The following KLHDC10 variants were observed in gnomAD, a reference collection of about 807,000 sequenced individuals.
KLHDC10 encodes kelch domain containing 10.
Under a neutral mutation model 56.1 loss-of-function variants are expected in KLHDC10, and 24 were observed. The ratio of observed to expected loss-of-function variants is 0.43; its 90% CI spans 0.31 to 0.60. The LOEUF (loss-of-function observed/expected upper bound fraction) is 0.60. Among genes scored for constraint, KLHDC10 ranks in the 20% least tolerant of loss-of-function variants. The probability of loss-of-function intolerance (pLI) is 0.11; values close to 1 mark genes in which losing one functional copy is unlikely to be tolerated. For synonymous variants in KLHDC10, 188 were observed against 207.1 expected (o/e 0.91, Z 0.79); for missense variants, 349 against 567.0 (o/e 0.62, Z 3.91).
At position 130,124,537 on chromosome 7, in the gene KLHDC10, T is replaced by A; in HGVS notation, c.864+2T>A. On this transcript the variant is annotated splice_donor_variant, in intron 6 of 9. Transcript: ENST00000335420. LOFTEE classifies it high-confidence loss of function. ...TGGACAGCATATTCCTTAAACAAGG[T>A]ATATTTTTTTAAAAAGAAAAAAAGG... 6.6e-7 allele frequency: 1 copy of A among 1,503,964 alleles called. No homozygotes were observed. The highest frequency in any genetic ancestry group is 9.2e-7 in the Non-Finnish European group (1 of 1,083,610). The allele number at this position is 1,503,964 out of a possible 1,614,324, so 93.2% of individuals were successfully genotyped here.
intron 1 of KLHDC10, among the ~76,000 whole-genome samples, chr7:130,081,814 A>G (rs1210522255): frequency 2.0e-5 from 3 of 152,136 alleles, no homozygotes; most frequent in African/African-American, 2.4e-5. Context: ...GCTACTTTCA[A>G]TGAAGATTTC....
rs970414100 is a variant in KLHDC10 at position 130,120,212 on chromosome 7, T to G, written c.476-537T>G. On this transcript the variant is annotated intron_variant, in intron 3 of 9. Coordinates refer to ENST00000335420, the MANE Select transcript of KLHDC10 (RefSeq NM_014997.4). The surrounding 1 kb of genome is among the most constrained non-coding windows in gnomAD (Gnocchi z 5.1). The stretch of plus-strand genomic sequence containing the variant: ...TGCTTTGCTGCATGCTTGAACTGTC[T>G]TCAGCAGCAGTGGTATACTGGGTAG... Among the ~76,000 whole-genome samples the G allele has an allele frequency of 2.0e-5, 3 of 152,234 alleles. No individual in the cohort carries two copies. Among genetic ancestry groups the G allele is most frequent in the Admixed American group, 6.5e-5 (1 of 15,288 alleles).
intron 5 of KLHDC10, among the ~76,000 whole-genome samples, chr7:130,123,171 C>T (rs1280041508): frequency 6.6e-6 from 1 of 152,172 alleles, no homozygotes; most frequent in Admixed American, 6.5e-5. Flanking sequence ...TAGCAGTTGC[C>T]TCTTCATAGA....
intron 1 of KLHDC10, among the ~76,000 whole-genome samples, chr7:130,095,853 T>C (rs991159816): frequency 1.3e-5 from 2 of 152,176 alleles, no homozygotes; most frequent in Admixed American, 6.5e-5. Context: ...TGGCATTAAG[T>C]CATTTAATTT....
At chr7:130,128,889 A>AAAAAAAAAATATATATATATAT in intron 8 of KLHDC10, among the ~76,000 whole-genome samples, 6 of 66,954 alleles carry the variant, frequency 9.0e-5, no homozygotes, top group South Asian at 5.5e-4. Flanking sequence ...AAAAAAAAAA[A>AAAAAAAAAATATATATATATAT]ATATATATAT....
intron 1 of KLHDC10, among the ~76,000 whole-genome samples, chr7:130,091,799 G>A (rs1795776942): frequency 6.6e-6 from 1 of 151,694 alleles, no homozygotes; most frequent in African/African-American, 2.4e-5. Flanking sequence ...CCCTTTTCTT[G>A]GGCCTTGTTT....
intron 1 of KLHDC10, among the ~76,000 whole-genome samples, chr7:130,086,917 C>T (rs1053976124): frequency 6.6e-6 from 1 of 152,240 alleles, no homozygotes; most frequent in Admixed American, 6.5e-5. Context: ...CTTTCCCATT[C>T]AGCTAGTCTT....
At chr7:130,124,569 G>T in intron 6 of KLHDC10, 34 bp downstream of exon 6, 1 of 1,111,038 alleles carries the variant, frequency 9.0e-7, no homozygotes, top group Non-Finnish European at 1.4e-6. Flanking sequence ...AAGGGAGAGG[G>T]AGAAGGATAG....
intron 1 of KLHDC10, among the ~76,000 whole-genome samples, chr7:130,072,075 A>T (rs1795421886): frequency 6.6e-6 from 1 of 152,178 alleles, no homozygotes; most frequent in Non-Finnish European, 1.5e-5. Flanking sequence ...GCATCCTAGA[A>T]TTGCTAAATA....
chr7:130,080,190 C>A (rs1224130901), intron 1 of KLHDC10, among the ~76,000 whole-genome samples: 3 of 152,132 alleles, frequency 2.0e-5, no homozygotes, highest in Non-Finnish European at 4.4e-5. Context: ...CATCCTCTCA[C>A]CTCAGCCTCC....
At chr7:130,106,090 G>A (rs1280114518) in intron 2 of KLHDC10, among the ~76,000 whole-genome samples, 1 of 152,104 alleles carries the variant, frequency 6.6e-6, no homozygotes, top group African/African-American at 2.4e-5. Context: ...CGGAGGCAGT[G>A]AGCCAAGATC....
At chr7:130,126,851 T>C (rs1796322906) in intron 7 of KLHDC10, among the ~76,000 whole-genome samples, 1 of 152,104 alleles carries the variant, frequency 6.6e-6, no homozygotes, top group Admixed American at 6.6e-5. Context: ...CTGGGTATGG[T>C]GGCTCATGCC....
Position 130,119,032 on chromosome 7 carries a change from C to T in KLHDC10, c.476-1717C>T, listed in dbSNP as rs190473754. Among the ~76,000 whole-genome samples the T allele has an allele frequency of 1.1e-4, 16 of 148,668 alleles. No individual in the cohort carries two copies. The East Asian group carries it at 3.1e-3, about 28-fold the overall frequency. On this transcript the variant is annotated intron_variant, in intron 3 of 9. Transcript: ENST00000335420. ...TTCGAGACCAGCCTGGGCAATGTAGCAAGACCCTGTCTCTTAAAAAAAAAA... is the reference window on the plus strand; with the variant it reads ...TTCGAGACCAGCCTGGGCAATGTAGTAAGACCCTGTCTCTTAAAAAAAAAA...
chr7:130,118,325 C>T (rs1291472218), intron 3 of KLHDC10, among the ~76,000 whole-genome samples: 1 of 152,208 alleles, frequency 6.6e-6, no homozygotes, highest in Non-Finnish European at 1.5e-5. Context: ...TTCCTGAAAC[C>T]TCTTGAACCA....
intron 2 of KLHDC10, among the ~76,000 whole-genome samples, chr7:130,110,954 A>G (rs925543412): frequency 6.6e-6 from 1 of 152,114 alleles, no homozygotes; most frequent in Non-Finnish European, 1.5e-5. Context: ...CATATTGTTT[A>G]TATATATTTA....
chr7:130,110,858 T>C (rs1346973899), intron 2 of KLHDC10, among the ~76,000 whole-genome samples: 3 of 152,212 alleles, frequency 2.0e-5, no homozygotes, highest in Non-Finnish European at 4.4e-5. Flanking sequence ...TTGTAAGTAA[T>C]AGACTTACTA....
In KLHDC10 at chr7:130,131,647, ATG is replaced by A. The variant is rs1796402776; in HGVS notation, c.*903_*904del. ...ACCCTAAGTATGTGGTGTAAATGCC[ATG>A]TAACATGAACACAAGCTCCCGAGGG... is the stretch of plus-strand genomic sequence containing the variant. On this transcript the variant is annotated 3_prime_UTR_variant, in exon 10 of 10. Coordinates refer to ENST00000335420, the MANE Select transcript of KLHDC10 (RefSeq NM_014997.4). 1 of 152,220 alleles carries A rather than the reference ATG, an allele frequency of 6.6e-6. No individual in the cohort carries two copies. The highest frequency in any genetic ancestry group is 6.5e-5 in the Admixed American group (1 of 15,290). The allele number at this position is 152,220 out of a possible 1,614,324, so 9.4% of individuals were successfully genotyped here.
chr7:130,121,794 G>A (rs1796251095), intron 4 of KLHDC10, among the ~76,000 whole-genome samples: 1 of 152,174 alleles, frequency 6.6e-6, no homozygotes, highest in Non-Finnish European at 1.5e-5. Flanking sequence ...TATTTGATCA[G>A]CCAGGACCCT....
At chr7:130,129,366 C>A in intron 8 of KLHDC10, 71 bp from the exon 9 acceptor site, 2 of 1,559,908 alleles carry the variant, frequency 1.3e-6, no homozygotes, top group Non-Finnish European at 1.7e-6. Context: ...GGCTGTGTGA[C>A]CTACTCTAAA....
Sources: gnomAD v4.1 joint callset for allele counts (sites outside exome capture counted in the v4.1 genomes callset) on GRCh38, gnomAD v4.1.1 for gene constraint, Gnocchi (gnomAD v3.1) non-coding constraint, MANE v1.5 for transcripts, NCBI Gene and HGNC (gene_info 2026-07-23, HGNC 2026-07-21) for gene names.